Variants in RNF130 observed in about 807,000 individuals in gnomAD.
The protein encoded by RNF130 is E3 ubiquitin-protein ligase RNF130.
In RNF130, 21 loss-of-function variants were observed where a neutral mutation model predicts 44.6. The observed-to-expected ratio is 0.47, with a 90% CI of 0.33 to 0.68. The LOEUF (loss-of-function observed/expected upper bound fraction) is 0.68, where lower values mean the gene tolerates loss of function less well. Ranked by LOEUF, RNF130 falls within the 30% of genes least tolerant of loss-of-function variation. The probability of loss-of-function intolerance (pLI) is 0.02; values close to 1 mark genes in which losing one functional copy is unlikely to be tolerated. For missense variants in RNF130, 479 were observed against 560.6 expected (o/e 0.85, Z 1.47); for synonymous variants, 214 against 210.4 (o/e 1.02, Z -0.15).
chr5:180,071,087 C>G (rs1030832907), intron 1 of RNF130, among the ~76,000 whole-genome samples: 1 of 152,156 alleles, frequency 6.6e-6, no homozygotes, highest in African/African-American at 2.4e-5. Context: ...TTTGAGGAAC[C>G]TGCCGCTTCC....
At chr5:179,930,352 G>A (rs982419491) in intron 7 of RNF130, among the ~76,000 whole-genome samples, 15 of 152,044 alleles carry the variant, frequency 9.9e-5, no homozygotes, top group African/African-American at 2.4e-4. Flanking sequence ...CACTGCACCC[G>A]GCCAAAAATT....
At chr5:179,951,642 T>C (rs1276062936), downstream of RNF130, among the ~76,000 whole-genome samples, 4 of 152,180 alleles carry the variant, frequency 2.6e-5, no homozygotes, top group African/African-American at 9.7e-5. Context: ...ACATGGAACA[T>C]TCTCCAGGAT....
intron 8 of RNF130, among the ~76,000 whole-genome samples, chr5:179,961,733 A>G (rs998679576): frequency 6.6e-6 from 1 of 152,166 alleles, no homozygotes; most frequent in Non-Finnish European, 1.5e-5. Context: ...TGTGGGTGAA[A>G]TAAGTGTTTC....
chr5:179,982,533 C>A (rs1031266569), intron 3 of RNF130, among the ~76,000 whole-genome samples: 1 of 151,898 alleles, frequency 6.6e-6, no homozygotes. Context: ...AGTTCCTCCA[C>A]ATTCTCACCA....
chr5:179,967,094 G>C, intron 6 of RNF130, 84 bp from the exon 7 acceptor site: 1 of 1,294,086 alleles, frequency 7.7e-7, no homozygotes, highest in Non-Finnish European at 1.1e-6. Context: ...AAACTTTGAC[G>C]CCCTGTTGCA....
intron 1 of RNF130, among the ~76,000 whole-genome samples, chr5:180,054,440 C>T (rs561241450): frequency 6.6e-6 from 1 of 152,196 alleles, no homozygotes; most frequent in Admixed American, 6.5e-5. Context: ...ACATTCCTTT[C>T]GCATCCTCCC....
intron 8 of RNF130, among the ~76,000 whole-genome samples, chr5:179,959,176 T>C (rs546482113): frequency 6.6e-6 from 1 of 152,244 alleles, no homozygotes; most frequent in Non-Finnish European, 1.5e-5. Flanking sequence ...TAAACAGTAG[T>C]TATTCTCATC....
Position 179,980,182 on chromosome 5 carries a change from C to T in RNF130, c.712G>A (p.Ala238Thr). ...GTCAATTTACTGATGGCTTTCTTGGCTGCATCTCCGAGACGACGCTATGAA... is the reference window on the plus strand; with the variant it reads ...GTCAATTTACTGATGGCTTTCTTGGTTGCATCTCCGAGACGACGCTATGAA... ...DRNQRRLGDA[A>T]KKAISKLTTR... Residue 238 changes from alanine (A) to threonine (T), a missense_variant, in exon 4 of 9, where the codon GCC becomes ACC. Physicochemically the swap from Ala to Thr is moderately conservative, Grantham distance 58. Transcript: ENST00000521389. 6.2e-7 allele frequency: 1 copy of T among 1,614,076 alleles called. No individual in the cohort carries two copies. The highest frequency in any genetic ancestry group is 8.5e-7 in the Non-Finnish European group (1 of 1,179,990).
chr5:179,916,318 G>A (rs771344627), exon 8 of RNF130: 6 of 152,104 alleles, frequency 3.9e-5, no homozygotes, highest in Admixed American at 6.6e-5. Context: ...AGGCTGCAGC[G>A]AGCCATGACT....
At chr5:179,992,949 C>A (rs1763120400) in intron 3 of RNF130, among the ~76,000 whole-genome samples, 1 of 152,132 alleles carries the variant, frequency 6.6e-6, no homozygotes, top group Non-Finnish European at 1.5e-5. Context: ...TGTTCAATTC[C>A]CACCTATGAG....
intron 2 of RNF130, among the ~76,000 whole-genome samples, chr5:180,030,438 G>C (rs1439770394): frequency 2.0e-5 from 3 of 152,138 alleles, no homozygotes; most frequent in East Asian, 3.8e-4. Flanking sequence ...AAATTACAGG[G>C]ATGTGCAACC....
chr5:179,930,345 T>C (rs562068917), intron 7 of RNF130, among the ~76,000 whole-genome samples: 108 of 152,300 alleles, frequency 7.1e-4, no homozygotes, highest in African/African-American at 2.4e-3. Flanking sequence ...CATGAGCCAC[T>C]GCACCCGGCC....
At chr5:180,002,741 T>C (rs1328912390) in intron 3 of RNF130, among the ~76,000 whole-genome samples, 2 of 152,190 alleles carry the variant, frequency 1.3e-5, no homozygotes, top group Non-Finnish European at 2.9e-5. Context: ...CCCATCTCTA[T>C]GTGGCTATCT....
At chr5:180,000,070 C>A (rs2113056044) in intron 3 of RNF130, among the ~76,000 whole-genome samples, 1 of 152,338 alleles carries the variant, frequency 6.6e-6, no homozygotes, top group East Asian at 1.9e-4. Context: ...GTAGTGAATA[C>A]TGTCTTTTCA....
intron 7 of RNF130, among the ~76,000 whole-genome samples, chr5:179,937,940 G>C (rs1761917942): frequency 7.4e-6 from 1 of 135,218 alleles, no homozygotes; most frequent in Non-Finnish European, 1.6e-5. Flanking sequence ...GTGTGAGAGA[G>C]AGAGAGAGAG....
intron 7 of RNF130, among the ~76,000 whole-genome samples, chr5:179,920,966 C>T (rs1177440768): frequency 1.3e-5 from 2 of 151,848 alleles, no homozygotes; most frequent in Admixed American, 6.6e-5. Context: ...TCTCCTAACC[C>T]CCGCACCCAA....
intron 7 of RNF130, among the ~76,000 whole-genome samples, chr5:179,932,017 T>C (rs1189893565): frequency 1.3e-5 from 2 of 152,204 alleles, no homozygotes; most frequent in South Asian, 2.1e-4. Flanking sequence ...TCTTTATTAT[T>C]TGCAGCCTTT....
At chr5:180,033,864 C>G (rs1045990324) in intron 2 of RNF130, among the ~76,000 whole-genome samples, 1 of 152,044 alleles carries the variant, frequency 6.6e-6, no homozygotes, top group Non-Finnish European at 1.5e-5. Context: ...CTGCCTTTCC[C>G]AACTGGATGT....
At chr5:180,026,434 C>T (rs917250208) in intron 2 of RNF130, among the ~76,000 whole-genome samples, 7 of 152,188 alleles carry the variant, frequency 4.6e-5, no homozygotes, top group Non-Finnish European at 7.3e-5. Context: ...GAACCCATAA[C>T]GTCCCCTTCA....
Sources: gnomAD v4.1 joint callset for allele counts (sites outside exome capture counted in the v4.1 genomes callset) on GRCh38, gnomAD v4.1.1 for gene constraint, MANE v1.5 for transcripts, NCBI Gene and HGNC (gene_info 2026-07-23, HGNC 2026-07-21) for gene names.